TYR: variants seen among roughly 807,000 people sequenced by gnomAD.
The protein encoded by TYR is LB24-AB.
A neutral mutation model predicts 51.5 loss-of-function variants in TYR; 58 were observed. The ratio of observed to expected loss-of-function variants is 1.13; its 90% confidence interval spans 0.91 to 1.40. The LOEUF is 1.40. Among genes scored for constraint, TYR ranks in the 40% most tolerant of loss-of-function variants. The pLI is 0.00. For synonymous variants in TYR, 263 were observed against 235.2 expected, an observed-to-expected ratio of 1.12 and a Z score of -1.08; for missense variants, 732 against 647.4, an observed-to-expected ratio of 1.13 and a Z score of -1.42.
intron 3 of TYR, among the ~76,000 whole-genome samples, chr11:89,274,669 A>G (rs1177809702): frequency 6.6e-6 from 1 of 151,822 alleles, no homozygotes; most frequent in East Asian, 1.9e-4. Flanking sequence ...ATTTGAAACA[A>G]GTTTTCTTAT....
At chr11:89,226,473 T>A (rs1943978527) in intron 2 of TYR, among the ~76,000 whole-genome samples, 1 of 152,094 alleles carries the variant, frequency 6.6e-6, no homozygotes, top group South Asian at 2.1e-4. Context: ...AGGAGAGGGA[T>A]GTGCATGTTC....
At chr11:89,250,336 T>G (rs1359479861) in intron 3 of TYR, among the ~76,000 whole-genome samples, 2 of 151,912 alleles carry the variant, frequency 1.3e-5, no homozygotes, top group African/African-American at 4.8e-5. Flanking sequence ...AAAGAAAGAT[T>G]AAATAATTCG....
intron 4 of TYR, among the ~76,000 whole-genome samples, chr11:89,289,510 T>C (rs1944832705): frequency 6.6e-6 from 1 of 151,934 alleles, no homozygotes; most frequent in Non-Finnish European, 1.5e-5. Flanking sequence ...ATGATGCCTT[T>C]CTATCTTCAT....
chr11:89,258,903 G>A (rs1944425788), intron 3 of TYR, among the ~76,000 whole-genome samples: 1 of 152,004 alleles, frequency 6.6e-6, no homozygotes. Flanking sequence ...CCCTCACTCA[G>A]CTGGAGTTAC....
chr11:89,182,268 C>T (rs1347361715), intron 1 of TYR, among the ~76,000 whole-genome samples: 1 of 152,128 alleles, frequency 6.6e-6, no homozygotes, highest in African/African-American at 2.4e-5. Context: ...CTGAATTTAA[C>T]ATCAAAGAAA....
At chr11:89,271,392 A>G (rs1944587048) in intron 3 of TYR, among the ~76,000 whole-genome samples, 1 of 151,962 alleles carries the variant, frequency 6.6e-6, no homozygotes, top group African/African-American at 2.4e-5. Context: ...ATAAAAAGTT[A>G]TATTTACACT....
intron 2 of TYR, among the ~76,000 whole-genome samples, chr11:89,195,533 G>T (rs1374894565): frequency 6.6e-6 from 1 of 152,020 alleles, no homozygotes; most frequent in African/African-American, 2.4e-5. Context: ...ACAAAAATTA[G>T]CCAGGCATGG....
At chr11:89,287,375 ACC>A (rs1944801803) in intron 4 of TYR, among the ~76,000 whole-genome samples, 1 of 151,788 alleles carries the variant, frequency 6.6e-6, no homozygotes, top group South Asian at 2.1e-4. Context: ...ATTCTATCAC[ACC>A]AGGTTTTTTT....
At chr11:89,292,066 C>T (rs1361193465) in intron 4 of TYR, among the ~76,000 whole-genome samples, 1 of 151,888 alleles carries the variant, frequency 6.6e-6, no homozygotes, top group Non-Finnish European at 1.5e-5. Flanking sequence ...AAGCACCCAT[C>T]ACTGTTTATA....
At chr11:89,190,572 A>T (rs954322857) in intron 1 of TYR, among the ~76,000 whole-genome samples, 21 of 152,260 alleles carry the variant, frequency 1.4e-4, no homozygotes, top group Middle Eastern at 3.4e-3. Flanking sequence ...TAAGTAAAAA[A>T]GTTACAGGAA....
At chr11:89,195,604 A>G (rs937701024) in intron 2 of TYR, among the ~76,000 whole-genome samples, 15 of 152,062 alleles carry the variant, frequency 9.9e-5, no homozygotes, top group African/African-American at 3.6e-4. Flanking sequence ...GCTTGAACCC[A>G]GGAGGCAGAG....
At chr11:89,216,846 G>A (rs1943839181) in intron 2 of TYR, among the ~76,000 whole-genome samples, 1 of 152,108 alleles carries the variant, frequency 6.6e-6, no homozygotes, top group South Asian at 2.1e-4. Context: ...AAAGTGGGAA[G>A]AATAGCGTAT....
intron 3 of TYR, among the ~76,000 whole-genome samples, chr11:89,230,433 G>T (rs188690207): frequency 4.4e-4 from 67 of 152,178 alleles, no homozygotes; most frequent in African/African-American, 1.6e-3. Context: ...ACTGCTAGAA[G>T]AAAGCATATG....
intron 3 of TYR, among the ~76,000 whole-genome samples, chr11:89,230,290 T>C (rs930330574): frequency 5.3e-5 from 8 of 152,122 alleles, no homozygotes; most frequent in African/African-American, 1.7e-4. Flanking sequence ...AAGGACAGTG[T>C]CTGCAATTAG....
intron 1 of TYR, among the ~76,000 whole-genome samples, chr11:89,182,776 A>T (rs1284411458): frequency 6.6e-6 from 1 of 152,146 alleles, no homozygotes; most frequent in Non-Finnish European, 1.5e-5. Flanking sequence ...CATGCTCAAT[A>T]TAATTAGATC....
intron 3 of TYR, among the ~76,000 whole-genome samples, chr11:89,232,609 T>G (rs888941588): frequency 2.8e-5 from 4 of 142,280 alleles, no homozygotes; most frequent in Non-Finnish European, 6.0e-5. Context: ...GTATACTATG[T>G]TCATAACCTC....
In TYR at chr11:89,192,330, A is replaced by G. The variant is rs145020679; in HGVS notation, c.1036+912A>G. Among the ~76,000 whole-genome samples the G allele has an allele frequency of 4.6e-5, 7 of 152,252 alleles. No homozygotes were observed. In the East Asian group the frequency reaches 7.7e-4, roughly 17 times the overall value. ...ACAAAAACAAACAAAAAAAAACTCA[A>G]TCAAGTCACAAATTTACCAGGAGTT... On this transcript the variant is annotated intron_variant, in intron 2 of 4. Transcript: ENST00000263321.
At chr11:89,243,664 G>A (rs1434186776) in intron 3 of TYR, among the ~76,000 whole-genome samples, 2 of 151,998 alleles carry the variant, frequency 1.3e-5, no homozygotes, top group African/African-American at 2.4e-5. Context: ...ATGTTTAATC[G>A]AATTAATAAA....
At chr11:89,283,698 A>G (rs887426670) in intron 3 of TYR, 1 of 151,858 alleles carries the variant, frequency 6.6e-6, no homozygotes, top group African/African-American at 2.4e-5. Context: ...TCTATGTCAT[A>G]TGACTCGATA....
Sources: allele counts gnomAD v4.1 joint callset (sites outside exome capture counted in the v4.1 genomes callset), GRCh38; gene constraint gnomAD v4.1.1; transcripts MANE v1.5; gene names NCBI Gene and HGNC (gene_info 2026-07-23, HGNC 2026-07-21).